The following TNR variants were observed in gnomAD, a reference collection of about 807,000 sequenced individuals.
TNR encodes the protein tenascin-R.
Under a neutral mutation model 150.4 loss-of-function variants are expected in TNR, and 45 were observed. The observed-to-expected ratio is 0.30, with a 90% CI of 0.24 to 0.38. The LOEUF is 0.38. Among genes scored for constraint, TNR ranks in the 10% least tolerant of loss-of-function variants. TNR has a pLI of 1.00. For synonymous variants in TNR, 687 were observed against 678.4 expected (o/e 1.01, Z -0.20); for missense variants, 1,544 against 1,759.1 (o/e 0.88, Z 2.19).
Position 175,493,573 on chromosome 1 carries a change from T to C in TNR, c.-64+34696A>G, listed in dbSNP as rs944516576. Among the ~76,000 whole-genome samples the C allele has an allele frequency of 7.9e-5, 12 of 152,238 alleles. No homozygotes were observed. In the East Asian group the frequency reaches 2.3e-3, roughly 29 times the overall value. Reference sequence around the variant, plus strand: ...TCATGGAGGAAGCAGCGGCTAGCTTTCCACAGGACAGCCTCTGCCAGGCCC... The same window carrying C: ...TCATGGAGGAAGCAGCGGCTAGCTTCCCACAGGACAGCCTCTGCCAGGCCC... On this transcript the variant is annotated intron_variant, in intron 2 of 22. Transcript: ENST00000367674.
intron 1 of TNR, among the ~76,000 whole-genome samples, chr1:175,579,497 G>T (rs1250100408): frequency 1.3e-5 from 2 of 151,896 alleles, no homozygotes; most frequent in Non-Finnish European, 2.9e-5. Context: ...GCACATTTGG[G>T]CAATGGCGAT....
chr1:175,469,636 G>A (rs1012189534), intron 2 of TNR, among the ~76,000 whole-genome samples: 22 of 152,062 alleles, frequency 1.4e-4, no homozygotes, highest in African/African-American at 3.9e-4. Context: ...TAACTAGAGG[G>A]ACGGGGAGGA....
intron 2 of TNR, among the ~76,000 whole-genome samples, chr1:175,506,557 G>C (rs1360967953): frequency 1.3e-5 from 2 of 152,188 alleles, no homozygotes; most frequent in African/African-American, 4.8e-5. Context: ...ACATGGCAAG[G>C]GGACACACAT....
At chr1:175,350,020 T>C (rs1650981939) in intron 18 of TNR, among the ~76,000 whole-genome samples, 1 of 152,248 alleles carries the variant, frequency 6.6e-6, no homozygotes, top group Admixed American at 6.5e-5. Flanking sequence ...CATGAGGCTT[T>C]CCTTTCTAAC....
intron 2 of TNR, among the ~76,000 whole-genome samples, chr1:175,476,553 C>G (rs1220229790): frequency 1.3e-5 from 2 of 152,192 alleles, no homozygotes; most frequent in African/African-American, 4.8e-5. Context: ...GATTGATGCT[C>G]TTTGGGCTTC....
chr1:175,350,532 T>C (rs982737357), intron 18 of TNR, among the ~76,000 whole-genome samples: 1 of 152,302 alleles, frequency 6.6e-6, no homozygotes, highest in East Asian at 1.9e-4. Flanking sequence ...AAATAATGTA[T>C]CCATATTTTT....
chr1:175,331,046 T>C (rs796373847), intron 20 of TNR, among the ~76,000 whole-genome samples: 17 of 82,898 alleles, frequency 2.1e-4, no homozygotes, highest in African/African-American at 6.3e-4. Context: ...TCTTTCTTTC[T>C]TTCTTTCTTT....
rs370199749 is a variant in TNR at position 175,463,498 on chromosome 1, A to G, written c.-63-56721T>C. 2.2e-4 allele frequency among the ~76,000 whole-genome samples: 33 copies of G among 152,330 alleles called. No individual in the cohort carries two copies. In the East Asian group the frequency reaches 4.2e-3, roughly 20 times the overall value. Reference sequence around the variant, plus strand: ...GACAATTCTCATTATGTTGACTTTCATTCTCAGCCTAGGTGCCTCTTGATT... The same window carrying G: ...GACAATTCTCATTATGTTGACTTTCGTTCTCAGCCTAGGTGCCTCTTGATT... On this transcript the variant is annotated intron_variant, in intron 2 of 22. Transcript: ENST00000367674.
intron 1 of TNR, among the ~76,000 whole-genome samples, chr1:175,628,137 C>A (rs1196949495): frequency 6.6e-6 from 1 of 152,192 alleles, no homozygotes; most frequent in African/African-American, 2.4e-5. Context: ...TACCAGCATT[C>A]CAGGTGATTC....
At chr1:175,579,240 C>T (rs1399700208) in intron 1 of TNR, among the ~76,000 whole-genome samples, 1 of 151,538 alleles carries the variant, frequency 6.6e-6, no homozygotes, top group East Asian at 1.9e-4. Flanking sequence ...TGCCTACCTG[C>T]CTGCCTGCCT....
rs111763467 is a variant in TNR, at chr1:175,379,576, G to C, written c.1939C>G (p.Pro647Ala). ...HEVLVPRGIG[P>A]TTRATLTDLV... ...CCTGTCAGGGTGGCCCTGGTGGTTG[G>C]ACCAATGCCCCTGGGGACCAGTACC... Residue 647 changes from proline to alanine, a missense_variant, in exon 9 of 23, where the codon CCA (proline) becomes GCA (alanine). Coordinates refer to ENST00000367674, the MANE Select transcript of TNR (RefSeq NM_003285.3). 319 of 1,613,654 alleles carry C rather than the reference G, an allele frequency of 2.0e-4. No homozygotes were observed. The African/African-American group carries it at 3.8e-3, about 19-fold the overall frequency.
rs181881479 is a variant in TNR, at chr1:175,681,383, G to T, written c.-165+61843C>A. ...CTGGGGATGCCAGTGGGACCCAGAG[G>T]TGCAGGAAGTCAAAGAGAACCAAGG... On this transcript the variant is annotated intron_variant, in intron 1 of 22. Transcript: ENST00000367674. Among the ~76,000 whole-genome samples, 725 of 152,308 alleles carry T rather than the reference G, an allele frequency of 4.8e-3. 6 individuals carry two copies. The highest frequency in any genetic ancestry group is 5.7e-3 in the Non-Finnish European group (389 of 68,022).
At chr1:175,387,961 C>A (rs1653010153) in intron 7 of TNR, among the ~76,000 whole-genome samples, 1 of 152,194 alleles carries the variant, frequency 6.6e-6, no homozygotes, top group Non-Finnish European at 1.5e-5. Context: ...TGGGTGCCAC[C>A]TGGTTTGGAC....
chr1:175,609,669 ACC>A (rs1446412136), intron 1 of TNR, among the ~76,000 whole-genome samples: 1 of 152,180 alleles, frequency 6.6e-6, no homozygotes. Flanking sequence ...CTGGGGACCC[ACC>A]TGTGCTGAGA....
intron 1 of TNR, among the ~76,000 whole-genome samples, chr1:175,634,220 A>C (rs1391132798): frequency 6.6e-6 from 1 of 152,180 alleles, no homozygotes; most frequent in Non-Finnish European, 1.5e-5. Context: ...CCCATGTTTC[A>C]GTTCCCCTGA....
intron 1 of TNR, among the ~76,000 whole-genome samples, chr1:175,617,610 C>T (rs1282430176): frequency 6.6e-6 from 1 of 152,180 alleles, no homozygotes; most frequent in Non-Finnish European, 1.5e-5. Context: ...GAAAGCAGAA[C>T]CTAAGGTCCC....
intron 1 of TNR, among the ~76,000 whole-genome samples, chr1:175,540,664 C>G (rs1198901155): frequency 6.6e-6 from 1 of 152,046 alleles, no homozygotes; most frequent in Non-Finnish European, 1.5e-5. Context: ...ACCATCCTTT[C>G]TGCCCCACCC....
In TNR at chr1:175,331,194, C is replaced by T. The variant is rs147643140; in HGVS notation, c.3632-959G>A. 4.1e-3 allele frequency among the ~76,000 whole-genome samples: 228 copies of T among 55,796 alleles called. 2 individuals are homozygous for T. The highest frequency in any genetic ancestry group is 0.015 in the East Asian group (14 of 940). The allele number at this position is 55,796 out of a possible 152,430, so 36.6% of individuals were successfully genotyped here. A position where few individuals can be genotyped will look rare whatever the true frequency, so the allele number is the denominator to read the frequency against. On this transcript the variant is annotated intron_variant, in intron 20 of 22. Transcript: ENST00000367674. ...CCTTCCTTCCTTCCTTCCTTCCTTC[C>T]TTCCTTCCTTCCTTCCTTCCTTCCT...
chr1:175,635,045 A>C (rs950450313), intron 1 of TNR, among the ~76,000 whole-genome samples: 1 of 152,202 alleles, frequency 6.6e-6, no homozygotes, highest in Admixed American at 6.5e-5. Context: ...CCAGGGGCAC[A>C]GGGACAGGAT....
Sources: gnomAD v4.1 joint callset for allele counts (sites outside exome capture counted in the v4.1 genomes callset) on GRCh38, gnomAD v4.1.1 for gene constraint, MANE v1.5 for transcripts, NCBI Gene and HGNC (gene_info 2026-07-23, HGNC 2026-07-21) for gene names.